The following FAM13A variants were observed in gnomAD, a reference collection of about 807,000 sequenced individuals.
FAM13A encodes the protein protein FAM13A.
Under a neutral mutation model 129.6 loss-of-function variants are expected in FAM13A, and 76 were observed. The observed-to-expected ratio is 0.59, with a 90% CI of 0.49 to 0.71. FAM13A has a LOEUF of 0.71. FAM13A is among the 30% of genes least tolerant of loss of function. The pLI is 0.00. For missense variants in FAM13A, 1,108 were observed against 1,249.3 expected, an observed-to-expected ratio of 0.89 and a Z score of 1.70; for synonymous variants, 443 against 449.9, an observed-to-expected ratio of 0.98 and a Z score of 0.20.
chr4:89,034,006 G>C (rs146555166), intron 1 of FAM13A, among the ~76,000 whole-genome samples: 1 of 152,192 alleles, frequency 6.6e-6, no homozygotes, highest in African/African-American at 2.4e-5. Context: ...ATATCCTTGC[G>C]AACATCAGGC....
chr4:89,032,761 A>C (rs1008263063), intron 1 of FAM13A, among the ~76,000 whole-genome samples: 1 of 152,320 alleles, frequency 6.6e-6, no homozygotes, highest in East Asian at 1.9e-4. Flanking sequence ...TGTTTTGAGG[A>C]ATGACTGCAT....
At chr4:88,878,987 C>G (rs972028806) in intron 6 of FAM13A, among the ~76,000 whole-genome samples, 1 of 152,120 alleles carries the variant, frequency 6.6e-6, no homozygotes, top group African/African-American at 2.4e-5. Flanking sequence ...GTAGGCTGGC[C>G]TGATAGGAAA....
chr4:88,861,176 T>G (rs1238135540), intron 6 of FAM13A, among the ~76,000 whole-genome samples: 1 of 151,714 alleles, frequency 6.6e-6, no homozygotes. Context: ...AGGTCAGGAG[T>G]TCGTGACCAG....
At chr4:88,918,578 G>A (rs1041892378) in intron 5 of FAM13A, among the ~76,000 whole-genome samples, 5 of 152,324 alleles carry the variant, frequency 3.3e-5, no homozygotes, top group South Asian at 2.1e-4. Flanking sequence ...AGTTAGGTAA[G>A]TCCCAAAGTA....
At chr4:88,948,798 G>A (rs147370348) in intron 4 of FAM13A, among the ~76,000 whole-genome samples, 18 of 152,194 alleles carry the variant, frequency 1.2e-4, no homozygotes, top group African/African-American at 4.1e-4. Flanking sequence ...TGGGCTATAT[G>A]GCTGTATCTT....
intron 5 of FAM13A, among the ~76,000 whole-genome samples, chr4:88,918,723 G>C (rs1033195733): frequency 7.2e-5 from 11 of 152,268 alleles, no homozygotes; most frequent in African/African-American, 2.6e-4. Context: ...ATCATTATCA[G>C]GTCTTTCCTA....
At chr4:88,761,268 C>G (rs1229350101) in intron 13 of FAM13A, among the ~76,000 whole-genome samples, 1 of 152,118 alleles carries the variant, frequency 6.6e-6, no homozygotes, top group Non-Finnish European at 1.5e-5. Context: ...CAAATGGAAG[C>G]CATCATTCTT....
intron 2 of FAM13A, 90 bp downstream of exon 2, chr4:89,029,370 C>T: frequency 9.6e-7 from 1 of 1,037,378 alleles, no homozygotes; most frequent in Non-Finnish European, 1.4e-6. Flanking sequence ...AGAGGATAGC[C>T]TAATCATACA....
At chr4:88,929,683 C>T (rs746597587) in intron 5 of FAM13A, among the ~76,000 whole-genome samples, 19 of 151,906 alleles carry the variant, frequency 1.3e-4, no homozygotes, top group Non-Finnish European at 2.4e-4. Flanking sequence ...ATTATTGGAG[C>T]TTTCAAATGT....
chr4:88,938,813 C>A (rs1014891975), intron 4 of FAM13A, among the ~76,000 whole-genome samples: 1 of 152,032 alleles, frequency 6.6e-6, no homozygotes, highest in African/African-American at 2.4e-5. Context: ...CAGAATATCC[C>A]ATAAACAAGG....
intron 7 of FAM13A, among the ~76,000 whole-genome samples, chr4:88,839,154 C>T (rs1027021497): frequency 2.0e-5 from 3 of 152,102 alleles, no homozygotes; most frequent in African/African-American, 7.2e-5. Context: ...TAACTCTACA[C>T]TTAGAAACTC....
At chr4:88,873,774 C>G (rs972696002) in intron 6 of FAM13A, among the ~76,000 whole-genome samples, 1 of 152,170 alleles carries the variant, frequency 6.6e-6, no homozygotes, top group African/African-American at 2.4e-5. Context: ...GGAATCCTCC[C>G]TAACTCATTT....
intron 21 of FAM13A, among the ~76,000 whole-genome samples, chr4:88,737,052 A>C (rs1419674000): frequency 6.6e-6 from 1 of 152,210 alleles, no homozygotes; most frequent in Non-Finnish European, 1.5e-5. Context: ...ATTTTTCTAT[A>C]AACAGTATAT....
chr4:89,019,411 C>T (rs1766942967), intron 3 of FAM13A, among the ~76,000 whole-genome samples: 1 of 152,036 alleles, frequency 6.6e-6, no homozygotes, highest in Non-Finnish European at 1.5e-5. Context: ...ATTTTTCTTA[C>T]AGCACTTAGG....
intron 7 of FAM13A, among the ~76,000 whole-genome samples, chr4:88,814,038 G>C (rs993600881): frequency 6.6e-6 from 1 of 152,178 alleles, no homozygotes; most frequent in Admixed American, 6.6e-5. Context: ...AACTACCATT[G>C]ATTGAGAGCT....
chr4:89,021,848 A>T (rs559290891), intron 2 of FAM13A, among the ~76,000 whole-genome samples: 2 of 146,308 alleles, frequency 1.4e-5, no homozygotes, highest in African/African-American at 5.1e-5. Flanking sequence ...GGTAACCTTA[A>T]AGTTTTGAAA....
intron 7 of FAM13A, among the ~76,000 whole-genome samples, chr4:88,821,465 T>C (rs1731891137): frequency 6.6e-6 from 1 of 152,246 alleles, no homozygotes; most frequent in African/African-American, 2.4e-5. Context: ...GAAATAATGA[T>C]GGTTTTATTT....
chr4:88,753,169 G>C (rs1742977862), intron 14 of FAM13A, among the ~76,000 whole-genome samples: 1 of 152,174 alleles, frequency 6.6e-6, no homozygotes, highest in East Asian at 1.9e-4. Flanking sequence ...TCATCTTTAA[G>C]TTTTCAACTA....
chr4:89,020,626 C>T lies in FAM13A; in HGVS notation c.261G>A (p.Lys87=), dbSNP rs780905125. 9 of 1,614,142 alleles carry T rather than the reference C, an allele frequency of 5.6e-6. No individual in the cohort carries two copies. The South Asian group carries it at 8.8e-5, about 16-fold the overall frequency. Reference sequence around the variant, plus strand: ...ACTTCAGTCGAAGTTGTTCCACCACCTTCACGTTACCATTCACCCTAAAAA... The same window carrying T: ...ACTTCAGTCGAAGTTGTTCCACCACTTTCACGTTACCATTCACCCTAAAAA... The part of the protein sequence containing the change: ...EGLFRVNGNV[K]VVEQLRLKFE... Residue 87 remains lysine (K), a synonymous_variant, in exon 3 of 24, where the codon AAG becomes AAA. Transcript: ENST00000264344.
Sources: allele counts gnomAD v4.1 joint callset (sites outside exome capture counted in the v4.1 genomes callset), GRCh38; gene constraint gnomAD v4.1.1; transcripts MANE v1.5; gene names NCBI Gene and HGNC (gene_info 2026-07-23, HGNC 2026-07-21).